UQCC1: variants seen among roughly 807,000 people sequenced by gnomAD.
The protein encoded by UQCC1 is ubiquinol-cytochrome c reductase complex assembly factor 1.
Under a neutral mutation model 48.0 loss-of-function variants are expected in UQCC1, and 38 were observed. The ratio of observed to expected loss-of-function variants is 0.79; its 90% CI spans 0.61 to 1.04. The LOEUF (loss-of-function observed/expected upper bound fraction) is 1.04. Ranked by LOEUF, UQCC1 falls within the 50% of genes least tolerant of loss-of-function variation. The pLI is 0.00. For missense variants in UQCC1, 368 were observed against 381.8 expected (o/e 0.96, Z 0.30); for synonymous variants, 111 against 129.2 (o/e 0.86, Z 0.95).
intron 1 of UQCC1, 134 bp downstream of exon 1, chr20:35,411,806 G>T: frequency 8.2e-7 from 1 of 1,215,600 alleles, no homozygotes; most frequent in Non-Finnish European, 1.2e-6. Flanking sequence ...GTTTCCCCAC[G>T]GAAAAGCGGC....
intron 6 of UQCC1, among the ~76,000 whole-genome samples, chr20:35,365,655 T>TAAAAAAAAAAAAAAA (rs34840052): frequency 8.4e-6 from 1 of 119,070 alleles, no homozygotes; most frequent in Non-Finnish European, 1.7e-5. Context: ...AGACTATGTC[T>TAAAAAAAAAAAAAAA]AAAAAAAAAA....
In UQCC1 at chr20:35,303,692, C is replaced by T. The variant is rs1339386947; in HGVS notation, c.*243G>A. The T allele has an allele frequency of 3.7e-6, 2 of 538,886 alleles. No homozygotes were observed. The highest frequency in any genetic ancestry group is 6.6e-6 in the Non-Finnish European group (2 of 301,142). The allele number at this position is 538,886 out of a possible 1,614,324, so 33.4% of individuals were successfully genotyped here. A position where few individuals can be genotyped will look rare whatever the true frequency, so the allele number is the denominator to read the frequency against. ...GAGTGTGTGCTGGGGGACTCTCACT[C>T]GGGGCTTCCCCTAAGGGAGAGGACA... On this transcript the variant is annotated 3_prime_UTR_variant, in exon 10 of 10. Coordinates refer to ENST00000374385, the MANE Select transcript of UQCC1 (RefSeq NM_018244.5).
At chr20:35,374,132 A>C in intron 5 of UQCC1, 52 bp downstream of exon 5, 2 of 1,448,092 alleles carry the variant, frequency 1.4e-6, no homozygotes, top group Non-Finnish European at 1.9e-6. Context: ...ACAACCATAA[A>C]AATGAAATGT....
chr20:35,375,567 CA>C (rs1290277839), intron 4 of UQCC1, among the ~76,000 whole-genome samples: 1 of 151,906 alleles, frequency 6.6e-6, no homozygotes, highest in African/African-American at 2.4e-5. Context: ...GCTAGAAAAG[CA>C]AAGCAAATTA....
At chr20:35,356,543 T>G (rs2061549176) in intron 6 of UQCC1, among the ~76,000 whole-genome samples, 1 of 152,002 alleles carries the variant, frequency 6.6e-6, no homozygotes, top group Non-Finnish European at 1.5e-5. Flanking sequence ...TTTGGATGCA[T>G]TATTTTTCCT....
At chr20:35,411,532 C>T (rs2062364224) in intron 1 of UQCC1, among the ~76,000 whole-genome samples, 1 of 152,106 alleles carries the variant, frequency 6.6e-6, no homozygotes, top group Non-Finnish European at 1.5e-5. Flanking sequence ...TAAATGTCCT[C>T]GTTTTTCACA....
At chr20:35,408,667 C>T (rs2062288873) in intron 1 of UQCC1, among the ~76,000 whole-genome samples, 1 of 151,224 alleles carries the variant, frequency 6.6e-6, no homozygotes, top group African/African-American at 2.4e-5. Flanking sequence ...GCCTGGGCAA[C>T]ATAAGGAGAC....
rs148554585 is a variant in UQCC1 at position 35,380,162 on chromosome 20, T to A, written c.333+1756A>T. Among the ~76,000 whole-genome samples, 7 of 152,318 alleles carry A rather than the reference T, an allele frequency of 4.6e-5. No individual in the cohort carries two copies. The East Asian group carries it at 1.4e-3, about 29-fold the overall frequency. On this transcript the variant is annotated intron_variant, in intron 4 of 9. Coordinates refer to ENST00000374385, the MANE Select transcript of UQCC1 (RefSeq NM_018244.5). ...ATTTCTAATTTTCAAACAAAACATATACTTTAAGTTTGTAAATCCAAATGC... is the reference window on the plus strand; with the variant it reads ...ATTTCTAATTTTCAAACAAAACATAAACTTTAAGTTTGTAAATCCAAATGC...
chr20:35,317,268 G>A (rs917037446), intron 7 of UQCC1, among the ~76,000 whole-genome samples: 2 of 152,202 alleles, frequency 1.3e-5, no homozygotes, highest in African/African-American at 4.8e-5. Flanking sequence ...ATTTGGAAGA[G>A]CACGTGAGTT....
chr20:35,399,698 A>T (rs2062131947), intron 1 of UQCC1, among the ~76,000 whole-genome samples: 1 of 151,594 alleles, frequency 6.6e-6, no homozygotes, highest in Admixed American at 6.6e-5. Flanking sequence ...CTCTACTAAA[A>T]ATACAAAAAT....
chr20:35,338,892 A>AAAAAATATAT (rs1555805500), intron 7 of UQCC1, among the ~76,000 whole-genome samples: 1 of 30,560 alleles, frequency 3.3e-5, no homozygotes, highest in East Asian at 6.2e-4. Context: ...AAAAAAAAAA[A>AAAAAATATAT]ATATATATAT....
intron 7 of UQCC1, 32 bp from the exon 8 acceptor site, chr20:35,314,797 G>T: frequency 6.5e-7 from 1 of 1,548,044 alleles, no homozygotes. Flanking sequence ...ACAAAAGTTT[G>T]AAAGAAAGAA....
In UQCC1 at chr20:35,302,943, A is replaced by C. The variant is rs2060886693; in HGVS notation, c.*992T>G. 6.6e-6 allele frequency: 1 copy of C among 152,180 alleles called. No homozygotes were observed. Among genetic ancestry groups the C allele is most frequent in the Non-Finnish European group, 1.5e-5 (1 of 68,036 alleles). 9.4% of individuals were successfully genotyped at this position (152,180 alleles called of 1,614,324 possible). A position where few individuals can be genotyped will look rare whatever the true frequency, so the allele number is the denominator to read the frequency against. ...TTCCCCACCCCCTTTCTTCACTTTA[A>C]GAAAATCCCCCAAGAGATGACCCGC... is the stretch of plus-strand genomic sequence containing the variant. On this transcript the variant is annotated 3_prime_UTR_variant, in exon 10 of 10. Coordinates refer to ENST00000374385, the MANE Select transcript of UQCC1 (RefSeq NM_018244.5).
At chr20:35,362,506 G>A (rs1268015648) in intron 6 of UQCC1, among the ~76,000 whole-genome samples, 1 of 152,034 alleles carries the variant, frequency 6.6e-6, no homozygotes, top group Admixed American at 6.6e-5. Context: ...ACAGGTGCCC[G>A]CCACCATGCC....
intron 3 of UQCC1, among the ~76,000 whole-genome samples, chr20:35,382,367 T>C (rs994199597): frequency 6.6e-6 from 1 of 152,002 alleles, no homozygotes; most frequent in Non-Finnish European, 1.5e-5. Context: ...TCTCAAACTC[T>C]TGGCCTCAAG....
intron 9 of UQCC1, among the ~76,000 whole-genome samples, chr20:35,306,111 C>T (rs2060925756): frequency 1.3e-5 from 2 of 152,196 alleles, no homozygotes; most frequent in South Asian, 4.1e-4. Flanking sequence ...CACTGCGGAG[C>T]TTTCTCGTAG....
intron 4 of UQCC1, among the ~76,000 whole-genome samples, chr20:35,381,653 A>G (rs1236663762): frequency 6.6e-6 from 1 of 152,204 alleles, no homozygotes; most frequent in Non-Finnish European, 1.5e-5. Flanking sequence ...CTATTGGAGA[A>G]GGTCATCCTC....
intron 1 of UQCC1, among the ~76,000 whole-genome samples, chr20:35,404,131 C>T (rs2062211059): frequency 6.7e-6 from 1 of 150,340 alleles, no homozygotes; most frequent in African/African-American, 2.4e-5. Flanking sequence ...CTTGTAATCC[C>T]AGCACTTTGG....
chr20:35,366,416 A>T, intron 6 of UQCC1, 141 bp downstream of exon 6: 1 of 666,022 alleles, frequency 1.5e-6, no homozygotes. Context: ...TCAAGACACC[A>T]GTTATTAAAA....
Sources: allele counts gnomAD v4.1 joint callset (sites outside exome capture counted in the v4.1 genomes callset), GRCh38; gene constraint gnomAD v4.1.1; transcripts MANE v1.5; gene names NCBI Gene and HGNC (gene_info 2026-07-23, HGNC 2026-07-21).